GHITM: variants seen among roughly 807,000 people sequenced by gnomAD.
GHITM encodes the protein growth hormone inducible transmembrane protein, also known as growth hormone-inducible transmembrane protein.
Under a neutral mutation model 38.7 loss-of-function variants are expected in GHITM, and 24 were observed. That is an observed-to-expected ratio of 0.62 (90% CI 0.45 to 0.87). GHITM has a LOEUF of 0.87. Ranked by LOEUF, GHITM falls within the 40% of genes least tolerant of loss-of-function variation. GHITM has a pLI of 0.00. For missense variants in GHITM, 420 were observed against 429.8 expected, an observed-to-expected ratio of 0.98 and a Z score of 0.20; for synonymous variants, 154 against 147.8, an observed-to-expected ratio of 1.04 and a Z score of -0.30.
rs764132007 is a variant in GHITM, at chr10:84,150,038, A to G, written c.593-17A>G. 1 of 1,486,404 alleles carries G rather than the reference A, an allele frequency of 6.7e-7. No individual in the cohort carries two copies. The highest frequency in any genetic ancestry group is 2.2e-5 in the Admixed American group (1 of 44,446). 92.1% of individuals were successfully genotyped at this position (1,486,404 alleles called of 1,614,324 possible). On this transcript the variant is annotated splice_polypyrimidine_tract_variant and intron_variant, in intron 6 of 8. Coordinates refer to ENST00000372134, the MANE Select transcript of GHITM (RefSeq NM_014394.3). ...GTTATTTAGTAAATACTTAATGAGC[A>G]CTTCCTCTTTCTCCAGGTGTGATGG...
At chr10:84,145,913 G>A (rs1473551078) in intron 5 of GHITM, among the ~76,000 whole-genome samples, 1 of 152,198 alleles carries the variant, frequency 6.6e-6, no homozygotes, top group African/African-American at 2.4e-5. Flanking sequence ...GTAGACAAGA[G>A]GGCCAGGTGC....
intron 5 of GHITM, among the ~76,000 whole-genome samples, chr10:84,148,386 G>A (rs557201621): frequency 2.0e-5 from 3 of 152,098 alleles, no homozygotes; most frequent in South Asian, 2.1e-4. Context: ...TCCACCTCCC[G>A]GGTTCAAGTG....
chr10:84,141,060 T>A (rs967008750), intron 1 of GHITM, among the ~76,000 whole-genome samples: 1 of 152,240 alleles, frequency 6.6e-6, no homozygotes, highest in South Asian at 2.1e-4. Context: ...CCAAAAGTTA[T>A]GTAGATTCTT....
At chr10:84,142,272 CTAA>C (rs1350236757) in intron 2 of GHITM, among the ~76,000 whole-genome samples, 1 of 152,166 alleles carries the variant, frequency 6.6e-6, no homozygotes, top group Non-Finnish European at 1.5e-5. Context: ...CAAAATATAG[CTAA>C]TAATGCTTGT....
chr10:84,147,788 A>G (rs1225708174), intron 5 of GHITM, among the ~76,000 whole-genome samples: 2 of 152,208 alleles, frequency 1.3e-5, no homozygotes, highest in African/African-American at 2.4e-5. Flanking sequence ...ATATTTAATT[A>G]TAACACTGGA....
In GHITM at chr10:84,152,523, A is replaced by G. The variant is rs1841622525; in HGVS notation, c.*175A>G. The G allele has an allele frequency of 2.3e-6, 1 of 436,236 alleles. No individual in the cohort carries two copies. Among genetic ancestry groups the G allele is most frequent in the Non-Finnish European group, 4.1e-6 (1 of 245,526 alleles). 27.0% of individuals were successfully genotyped at this position (436,236 alleles called of 1,614,324 possible). ...TCAGGTCTGCCTTTTTTTCTGGAGA[A>G]TAAATGCAGTAATCCTCTCCCAAAT... is the stretch of plus-strand genomic sequence containing the variant. On this transcript the variant is annotated 3_prime_UTR_variant, in exon 9 of 9. Coordinates refer to ENST00000372134, the MANE Select transcript of GHITM (RefSeq NM_014394.3).
At chr10:84,146,536 A>G (rs1202489857) in intron 5 of GHITM, among the ~76,000 whole-genome samples, 2 of 152,172 alleles carry the variant, frequency 1.3e-5, no homozygotes, top group African/African-American at 2.4e-5. Context: ...CCATTTGGAT[A>G]TTTATATATT....
At chr10:84,150,939 T>G in intron 8 of GHITM, 59 bp downstream of exon 8, 1 of 1,226,212 alleles carries the variant, frequency 8.2e-7, no homozygotes, top group Non-Finnish European at 1.2e-6. Context: ...CTTGTGTGTA[T>G]TTGACCTGTT....
chr10:84,144,960 A>G lies in GHITM; in HGVS notation c.427A>G (p.Ile143Val), dbSNP rs199938868. The G allele has an allele frequency of 2.3e-5, 37 of 1,611,822 alleles. No individual in the cohort carries two copies. The highest frequency in any genetic ancestry group is 1.0e-4 in the Admixed American group (6 of 59,928). The change falls in exon 5 of 9, where the codon ATA (isoleucine) becomes GTA (valine). Residue 143 changes from isoleucine to valine, a missense_variant. Coordinates refer to ENST00000372134, the MANE Select transcript of GHITM (RefSeq NM_014394.3). ...TATTGGTTTAACAGCTTTGTCTGCC[A>G]TAGCAATCAGCAGAACGCCTGTTCT... ...GSIGLTALSA[I>V]AISRTPVLMN...
At chr10:84,149,108 G>T (rs908857626) in intron 6 of GHITM, among the ~76,000 whole-genome samples, 4 of 152,154 alleles carry the variant, frequency 2.6e-5, no homozygotes, top group Non-Finnish European at 5.9e-5. Flanking sequence ...TCGATACCAG[G>T]AGGGTTTTAT....
chr10:84,139,639 C>T (rs972650799), intron 1 of GHITM, 46 bp downstream of exon 1: 7 of 152,406 alleles, frequency 4.6e-5, no homozygotes, highest in African/African-American at 1.7e-4. Context: ...CCCGGTGGTC[C>T]TGACAGCCGC....
At chr10:84,149,513 T>G (rs934843454) in intron 6 of GHITM, among the ~76,000 whole-genome samples, 2 of 152,052 alleles carry the variant, frequency 1.3e-5, no homozygotes, top group Admixed American at 1.3e-4. Context: ...GGAGTTCCAT[T>G]TACCTTTGTT....
At position 84,141,546 on chromosome 10, in the gene GHITM, G is replaced by A. The variant is rs1183846350; in HGVS notation, c.46G>A (p.Val16Ile). The A allele has an allele frequency of 1.9e-6, 3 of 1,613,626 alleles. No individual in the cohort carries two copies. The highest frequency in any genetic ancestry group is 1.7e-5 in the Admixed American group (1 of 60,006). The change falls in exon 2 of 9, where the codon GTT (valine) becomes ATT (isoleucine). Residue 16 changes from valine to isoleucine, a missense_variant. Val to Ile is a conservative substitution (Grantham distance 29, BLOSUM62 3). Coordinates refer to ENST00000372134, the MANE Select transcript of GHITM (RefSeq NM_014394.3). ...GTGTCTCCGGACACTACCTTCTAGG[G>A]TTTTCCACCCAGCTTTCACCAAGGC... ...LVCLRTLPSRVFHPAFTKASP... is the reference protein window; with the variant it reads ...LVCLRTLPSRIFHPAFTKASP...
intron 5 of GHITM, among the ~76,000 whole-genome samples, chr10:84,148,284 A>AT (rs1841576773): frequency 6.8e-6 from 1 of 147,056 alleles, no homozygotes; most frequent in Admixed American, 6.6e-5. Context: ...TTTATTTTTT[A>AT]TTTTTTATTT....
chr10:84,149,926 T>TA, intron 6 of GHITM, 129 bp from the exon 7 acceptor site: 1 of 692,542 alleles, frequency 1.4e-6, no homozygotes, highest in Non-Finnish European at 2.1e-6. Flanking sequence ...TAGTATTATC[T>TA]AAAGGCAGAA....
At chr10:84,152,117 C>T (rs1042407337) in intron 8 of GHITM, 147 bp from the exon 9 acceptor site, 1 of 526,252 alleles carries the variant, frequency 1.9e-6, no homozygotes, top group African/African-American at 2.0e-5. Context: ...TAGTCTAGTA[C>T]TTCATTAGTT....
In GHITM at chr10:84,145,026, C is replaced by A; in HGVS notation, c.483+10C>A. ...GAGAGGCTCTTGGGTGGTAAGTCAG[C>A]TGTTTTTGTTTTCCTTTTTCATCTA... On this transcript the variant is annotated intron_variant, in intron 5 of 8. Coordinates refer to ENST00000372134, the MANE Select transcript of GHITM (RefSeq NM_014394.3). 6.3e-7 allele frequency: 1 copy of A among 1,577,498 alleles called. No homozygotes were observed. The highest frequency in any genetic ancestry group is 8.6e-7 in the Non-Finnish European group (1 of 1,159,900).
At chr10:84,149,677 C>T (rs938668456) in intron 6 of GHITM, among the ~76,000 whole-genome samples, 1 of 152,134 alleles carries the variant, frequency 6.6e-6, no homozygotes, top group African/African-American at 2.4e-5. Flanking sequence ...TATGCTTTCC[C>T]TTTTGACAGC....
Position 84,148,720 on chromosome 10 carries a change from T to C in GHITM, c.484-10T>C. On this transcript the variant is annotated splice_polypyrimidine_tract_variant and intron_variant, in intron 5 of 8. Transcript: ENST00000372134. ...AAGATCAGTTTTTCTTAATAGTACT[T>C]GTCTTTCAGACAATTGGTGTGACCT... 1 of 1,572,044 alleles carries C rather than the reference T, an allele frequency of 6.4e-7. No homozygotes were observed. Among genetic ancestry groups the C allele is most frequent in the Non-Finnish European group, 8.8e-7 (1 of 1,141,656 alleles).
Sources: gnomAD v4.1 joint callset for allele counts (sites outside exome capture counted in the v4.1 genomes callset) on GRCh38, gnomAD v4.1.1 for gene constraint, MANE v1.5 for transcripts, NCBI Gene and HGNC (gene_info 2026-07-23, HGNC 2026-07-21) for gene names.